Variants in CTNNA2 observed in about 807,000 individuals in gnomAD.
CTNNA2 encodes the protein catenin alpha-2.
CTNNA2 carries 42 observed loss-of-function variants against 101.0 expected under a neutral mutation model. The observed-to-expected ratio is 0.42, with a 90% confidence interval of 0.32 to 0.54. The LOEUF is 0.54. Among genes scored for constraint, CTNNA2 ranks in the 20% least tolerant of loss-of-function variants. The probability of loss-of-function intolerance (pLI) is 0.14; values close to 1 mark genes in which losing one functional copy is unlikely to be tolerated. For missense variants in CTNNA2, 871 were observed against 1,223.1 expected (o/e 0.71, Z 4.29); for synonymous variants, 450 against 456.4 (o/e 0.99, Z 0.18).
At chr2:79,727,612 A>G (rs1686928692) in intron 2 of CTNNA2, among the ~76,000 whole-genome samples, 1 of 151,682 alleles carries the variant, frequency 6.6e-6, no homozygotes, top group South Asian at 2.1e-4. Context: ...GTTTTAGGGT[A>G]CCTGTGCACA....
chr2:80,474,431 A>AT (rs1403710527), intron 9 of CTNNA2, among the ~76,000 whole-genome samples: 4 of 152,102 alleles, frequency 2.6e-5, no homozygotes, highest in Admixed American at 2.6e-4. Flanking sequence ...CACCCCCACC[A>AT]TATCCCATCT....
chr2:79,248,512 G>T (rs1674726519), intron 2 of CTNNA2, among the ~76,000 whole-genome samples: 1 of 152,012 alleles, frequency 6.6e-6, no homozygotes, highest in Non-Finnish European at 1.5e-5. Flanking sequence ...CATTTCCAGT[G>T]CTGGATGGTC....
At chr2:80,350,477 G>C (rs999318917) in intron 7 of CTNNA2, among the ~76,000 whole-genome samples, 2 of 152,112 alleles carry the variant, frequency 1.3e-5, no homozygotes, top group Non-Finnish European at 2.9e-5. Context: ...CAAGTGCAAC[G>C]CAGTTGCTAC....
At chr2:80,570,430 A>G (rs1056502809) in intron 12 of CTNNA2, among the ~76,000 whole-genome samples, 1 of 152,228 alleles carries the variant, frequency 6.6e-6, no homozygotes, top group African/African-American at 2.4e-5. Context: ...TGGTGATTAA[A>G]GAACAGTAGC....
At chr2:80,078,366 T>C (rs1698895326) in intron 7 of CTNNA2, among the ~76,000 whole-genome samples, 1 of 151,806 alleles carries the variant, frequency 6.6e-6, no homozygotes, top group Non-Finnish European at 1.5e-5. Flanking sequence ...GAGGTGAAGT[T>C]TGATTTGAGT....
intron 7 of CTNNA2, among the ~76,000 whole-genome samples, chr2:80,182,924 C>T (rs533331624): frequency 1.3e-5 from 2 of 152,252 alleles, no homozygotes; most frequent in African/African-American, 4.8e-5. Flanking sequence ...CATCTGAGCA[C>T]CACTGCATGT....
intron 18 of CTNNA2, among the ~76,000 whole-genome samples, chr2:80,641,873 A>T (rs2149857631): frequency 6.6e-6 from 1 of 152,272 alleles, no homozygotes; most frequent in South Asian, 2.1e-4. Context: ...TATGGATTTA[A>T]TCTTTGTAAA....
At chr2:79,282,242 T>C (rs1675408909) in intron 2 of CTNNA2, among the ~76,000 whole-genome samples, 1 of 152,122 alleles carries the variant, frequency 6.6e-6, no homozygotes, top group South Asian at 2.1e-4. Flanking sequence ...CTTTATAATC[T>C]TTTTTTAAAA....
At chr2:80,523,033 AAG>A (rs1390806865) in intron 9 of CTNNA2, among the ~76,000 whole-genome samples, 1 of 152,184 alleles carries the variant, frequency 6.6e-6, no homozygotes. Context: ...ACATAAAGGT[AAG>A]AGTGAGAAGC....
chr2:80,614,668 AT>A (rs938019719), intron 17 of CTNNA2, among the ~76,000 whole-genome samples: 2 of 151,338 alleles, frequency 1.3e-5, no homozygotes, highest in African/African-American at 2.4e-5. Context: ...TCATTCCAAG[AT>A]TTTTTTTAAA....
At chr2:79,391,961 C>G (rs946701536) in intron 4 of CTNNA2, among the ~76,000 whole-genome samples, 9 of 152,154 alleles carry the variant, frequency 5.9e-5, no homozygotes, top group Admixed American at 5.2e-4. Flanking sequence ...CCTCTGTGCG[C>G]TCACTTCCCT....
At chr2:79,769,230 G>A (rs906230841) in intron 3 of CTNNA2, among the ~76,000 whole-genome samples, 32 of 151,986 alleles carry the variant, frequency 2.1e-4, no homozygotes, top group African/African-American at 7.3e-4. Flanking sequence ...TGTTGACTTC[G>A]GAATGCCCTC....
At chr2:79,697,859 A>G (rs1015647948) in intron 2 of CTNNA2, 2 of 152,008 alleles carry the variant, frequency 1.3e-5, no homozygotes, top group African/African-American at 2.4e-5. Flanking sequence ...GTGGCATACC[A>G]CTTATTATAC....
At chr2:79,671,247 G>T (rs1050490979) in intron 2 of CTNNA2, among the ~76,000 whole-genome samples, 5 of 146,050 alleles carry the variant, frequency 3.4e-5, no homozygotes, top group African/African-American at 1.0e-4. Flanking sequence ...AGTAAGCCAA[G>T]GCTGGATCAC....
At chr2:80,582,047 G>A (rs960854077) in intron 14 of CTNNA2, among the ~76,000 whole-genome samples, 18 of 152,048 alleles carry the variant, frequency 1.2e-4, no homozygotes, top group African/African-American at 4.1e-4. Context: ...TGGAAACATA[G>A]CAACCACATC....
chr2:80,312,244 G>A (rs1053389348), intron 7 of CTNNA2, among the ~76,000 whole-genome samples: 1 of 152,246 alleles, frequency 6.6e-6, no homozygotes, highest in Non-Finnish European at 1.5e-5. Flanking sequence ...TCCTTACGCA[G>A]GTAGCCCCTA....
intron 7 of CTNNA2, among the ~76,000 whole-genome samples, chr2:80,337,240 G>A (rs868314420): frequency 5.3e-5 from 8 of 151,788 alleles, no homozygotes; most frequent in Admixed American, 1.3e-4. Context: ...CTGTAGTCCC[G>A]GCTACTCTGG....
At chr2:79,974,821 G>A (rs540556967) in intron 7 of CTNNA2, among the ~76,000 whole-genome samples, 1 of 152,302 alleles carries the variant, frequency 6.6e-6, no homozygotes, top group South Asian at 2.1e-4. Context: ...TAATCAATGA[G>A]AAGAAATTAA....
Position 80,545,038 on chromosome 2 carries a change from G to T in CTNNA2, c.1347G>T (p.Arg449=). 1 of 1,614,008 alleles carries T rather than the reference G, an allele frequency of 6.2e-7. No individual in the cohort carries two copies. Among genetic ancestry groups the T allele is most frequent in the Non-Finnish European group, 8.5e-7 (1 of 1,179,966 alleles). Reference sequence around the variant, plus strand: ...ATGAAGAAGGGGTGAAATTAGTTCGGATGGCAGCCACCCAGATTGACAGCC... The same window carrying T: ...ATGAAGAAGGGGTGAAATTAGTTCGTATGGCAGCCACCCAGATTGACAGCC... ...SNNEEGVKLV[R]MAATQIDSLC... Residue 449 remains arginine, a synonymous_variant, in exon 10 of 19, where the codon CGG becomes CGT. Transcript: ENST00000402739.
Sources: allele counts gnomAD v4.1 joint callset (sites outside exome capture counted in the v4.1 genomes callset), GRCh38; gene constraint gnomAD v4.1.1; transcripts MANE v1.5; gene names NCBI Gene and HGNC (gene_info 2026-07-23, HGNC 2026-07-21).